DNAAF4: variants seen among roughly 807,000 people sequenced by gnomAD.
The protein encoded by DNAAF4 is dynein axonemal assembly factor 4.
In DNAAF4, 43 loss-of-function variants were observed where a neutral mutation model predicts 51.8. The observed-to-expected ratio is 0.83, with a 90% CI of 0.65 to 1.07. DNAAF4 has a LOEUF of 1.07. DNAAF4 is among the 50% of genes least tolerant of loss of function. The probability of loss-of-function intolerance (pLI) is 0.00; values close to 1 mark genes in which losing one functional copy is unlikely to be tolerated. For synonymous variants in DNAAF4, 194 were observed against 165.6 expected (o/e 1.17, Z -1.32); for missense variants, 581 against 493.0 (o/e 1.18, Z -1.69).
At chr15:55,503,669 A>G (rs1156423838) in intron 1 of DNAAF4, among the ~76,000 whole-genome samples, 2 of 152,208 alleles carry the variant, frequency 1.3e-5, no homozygotes, top group Non-Finnish European at 2.9e-5. Context: ...ACCAAAGACA[A>G]AAACCACATG....
chr15:55,457,841 G>A (rs999626223), intron 5 of DNAAF4, among the ~76,000 whole-genome samples: 1 of 152,160 alleles, frequency 6.6e-6, no homozygotes, highest in African/African-American at 2.4e-5. Flanking sequence ...TGGTATCCAC[G>A]GCTGGGAGAC....
At chr15:55,450,106 A>C in intron 6 of DNAAF4, 116 bp downstream of exon 6, 1 of 1,169,204 alleles carries the variant, frequency 8.6e-7, no homozygotes, top group African/African-American at 1.6e-5. Context: ...TCATGACGTT[A>C]TTTCTTTAGT....
rs779176206 is a variant in DNAAF4 at position 55,498,282 on chromosome 15, C to G, written c.48G>C (p.Ala16=). 19 of 1,613,300 alleles carry G rather than the reference C, an allele frequency of 1.2e-5. No homozygotes were observed. Among genetic ancestry groups the G allele is most frequent in the Non-Finnish European group, 1.6e-5 (19 of 1,179,674 alleles). The change falls in exon 2 of 10, where the codon GCG becomes GCC. Residue 16 remains alanine (A), a synonymous_variant. Transcript: ENST00000321149. The part of the protein sequence containing the change: ...SDYSWQQTKT[A]VFLSLPLKGV... ...CTTTGAGGGGCAGAGACAGAAAGAC[C>G]GCAGTCTTCGTCTGCTGCCAGCTGT...
chr15:55,471,734 C>G (rs1056735292), intron 4 of DNAAF4, among the ~76,000 whole-genome samples: 2 of 152,064 alleles, frequency 1.3e-5, no homozygotes, highest in Middle Eastern at 6.8e-3. Context: ...AGGATGGTCT[C>G]GATCTCCTGA....
rs2058179740 is a variant in DNAAF4, at chr15:55,466,973, CTTATA to C, written c.589_593del (p.Tyr197GlufsTer4). The C allele has an allele frequency of 3.2e-6, 5 of 1,585,812 alleles. No individual in the cohort carries two copies. The highest frequency in any genetic ancestry group is 1.2e-5 in the South Asian group (1 of 84,222). On this transcript the variant is annotated frameshift_variant, in exon 5 of 10. Transcript: ENST00000321149. LOFTEE classifies it high-confidence loss of function. Reference sequence around the variant, plus strand: ...TAGATGCCAAATTTCTAGTAAGACTCTTATATTTTATTTTTTTTCTTTCTTCTTTA... The same window carrying C: ...TAGATGCCAAATTTCTAGTAAGACTCTTTTATTTTTTTTCTTTCTTCTTTA...
chr15:55,484,663 G>T (rs971135210), intron 4 of DNAAF4, among the ~76,000 whole-genome samples: 1 of 152,006 alleles, frequency 6.6e-6, no homozygotes, highest in African/African-American at 2.4e-5. Context: ...ATATATAAAG[G>T]GGAGTTTATT....
At chr15:55,430,829 C>T (rs767288296) in intron 9 of DNAAF4, 50 bp from the exon 10 acceptor site, 1 of 1,365,392 alleles carries the variant, frequency 7.3e-7, no homozygotes, top group Non-Finnish European at 1.0e-6. Context: ...TTTATTAGCA[C>T]TTCTTTTATC....
chr15:55,475,121 T>A (rs1161505955), intron 4 of DNAAF4, among the ~76,000 whole-genome samples: 1 of 152,242 alleles, frequency 6.6e-6, no homozygotes, highest in Non-Finnish European at 1.5e-5. Context: ...TATAAGTATG[T>A]TGATGCGCTG....
At chr15:55,466,846 G>T in intron 5 of DNAAF4, 84 bp downstream of exon 5, 1 of 1,508,736 alleles carries the variant, frequency 6.6e-7, no homozygotes, top group Non-Finnish European at 8.9e-7. Flanking sequence ...ACCTAATGCT[G>T]TGAATAGATT....
chr15:55,442,878 C>T, intron 6 of DNAAF4: 3 of 1,612,418 alleles, frequency 1.9e-6, no homozygotes, highest in Non-Finnish European at 2.5e-6. Flanking sequence ...TAGCATCAAT[C>T]ATGGTTGCAA....
At chr15:55,464,896 G>C (rs1179015084) in intron 5 of DNAAF4, among the ~76,000 whole-genome samples, 2 of 152,084 alleles carry the variant, frequency 1.3e-5, no homozygotes, top group Non-Finnish European at 2.9e-5. Flanking sequence ...CAGAGGTTGT[G>C]GTGAGCCGAG....
chr15:55,465,437 CATGGA>C (rs2058156807), intron 5 of DNAAF4, among the ~76,000 whole-genome samples: 1 of 151,344 alleles, frequency 6.6e-6, no homozygotes, highest in Non-Finnish European at 1.5e-5. Flanking sequence ...CACATACAAT[CATGGA>C]ATGCTACTCA....
At position 55,505,456 on chromosome 15, in the gene DNAAF4, C is replaced by G. The variant is rs542195953; in HGVS notation, c.-256+2666G>C. Among the ~76,000 whole-genome samples the G allele has an allele frequency of 7.2e-5, 11 of 152,248 alleles. No homozygotes were observed. The East Asian group carries it at 1.7e-3, about 24-fold the overall frequency. ...ATTATAAATCATGCTACTATAAAGA[C>G]ACATGCACACGTATGTTTACTGAGG... On this transcript the variant is annotated intron_variant, in intron 1 of 9. Coordinates refer to ENST00000321149, the MANE Select transcript of DNAAF4 (RefSeq NM_130810.4).
chr15:55,425,227 T>G (rs1273599019), intron 7 of DNAAF4, among the ~76,000 whole-genome samples: 1 of 152,184 alleles, frequency 6.6e-6, no homozygotes, highest in Non-Finnish European at 1.5e-5. Flanking sequence ...TTAGCCAGAA[T>G]CCCCACCATC....
intron 6 of DNAAF4, among the ~76,000 whole-genome samples, chr15:55,444,410 T>C (rs2057763600): frequency 6.6e-6 from 1 of 152,234 alleles, no homozygotes; most frequent in Non-Finnish European, 1.5e-5. Context: ...TATATCTCTG[T>C]TTCAGTATCA....
chr15:55,429,972 G>C (rs1375750869), downstream of DNAAF4, among the ~76,000 whole-genome samples: 1 of 152,060 alleles, frequency 6.6e-6, no homozygotes, highest in Non-Finnish European at 1.5e-5. Flanking sequence ...AATATTCCAG[G>C]TTAATATCTT....
downstream of DNAAF4, among the ~76,000 whole-genome samples, chr15:55,427,250 T>C (rs1046976509): frequency 1.3e-5 from 2 of 152,050 alleles, no homozygotes; most frequent in African/African-American, 4.8e-5. Flanking sequence ...GTTTTTTTAG[T>C]AGAGACGGGG....
At chr15:55,499,591 T>A (rs1595961790) in intron 1 of DNAAF4, among the ~76,000 whole-genome samples, 1 of 152,198 alleles carries the variant, frequency 6.6e-6, no homozygotes, top group East Asian at 1.9e-4. Context: ...TCTAAAACTA[T>A]TGTATCCTGC....
intron 5 of DNAAF4, 75 bp downstream of exon 5, chr15:55,466,855 T>C: frequency 1.3e-6 from 2 of 1,538,520 alleles, no homozygotes; most frequent in Non-Finnish European, 1.7e-6. Flanking sequence ...TGTGAATAGA[T>C]TTACAAAAAA....
Sources: allele counts gnomAD v4.1 joint callset (sites outside exome capture counted in the v4.1 genomes callset), GRCh38; gene constraint gnomAD v4.1.1; transcripts MANE v1.5; gene names NCBI Gene and HGNC (gene_info 2026-07-23, HGNC 2026-07-21).